CYFIP2: variants seen among roughly 807,000 people sequenced by gnomAD.
CYFIP2 encodes cytoplasmic FMR1 interacting protein 2.
Under a neutral mutation model 158.7 loss-of-function variants are expected in CYFIP2, and 29 were observed. That is an observed-to-expected ratio of 0.18 (90% CI 0.14 to 0.25). CYFIP2 has a LOEUF of 0.25. Ranked by LOEUF, CYFIP2 falls within the 10% of genes least tolerant of loss-of-function variation. The pLI is 1.00. For missense variants in CYFIP2, 852 were observed against 1,639.5 expected (o/e 0.52, Z 8.29); for synonymous variants, 585 against 617.6 (o/e 0.95, Z 0.78).
chr5:157,344,736 C>G (rs535582345), intron 23 of CYFIP2, among the ~76,000 whole-genome samples: 1 of 152,304 alleles, frequency 6.6e-6, no homozygotes, highest in African/African-American at 2.4e-5. Context: ...CACATGAAAC[C>G]CCGTAGGTTT....
intron 11 of CYFIP2, among the ~76,000 whole-genome samples, chr5:157,313,349 T>C (rs1759891915): frequency 6.6e-6 from 1 of 152,252 alleles, no homozygotes; most frequent in African/African-American, 2.4e-5. Flanking sequence ...GAACAAAGCT[T>C]ATCTAGAACA....
At chr5:157,325,265 A>G (rs2113137254) in intron 16 of CYFIP2, among the ~76,000 whole-genome samples, 1 of 152,228 alleles carries the variant, frequency 6.6e-6, no homozygotes, top group Admixed American at 6.5e-5. Context: ...CTCCCCCACC[A>G]GCCCACAACC....
At chr5:157,281,561 C>A (rs1336055754) in intron 1 of CYFIP2, among the ~76,000 whole-genome samples, 1 of 152,108 alleles carries the variant, frequency 6.6e-6, no homozygotes, top group Non-Finnish European at 1.5e-5. Flanking sequence ...TCTTTGTGAT[C>A]CATCAGGGCT....
intron 26 of CYFIP2, among the ~76,000 whole-genome samples, chr5:157,374,353 A>G (rs572684695): frequency 8.5e-5 from 13 of 152,206 alleles, no homozygotes; most frequent in Non-Finnish European, 1.3e-4. Flanking sequence ...CGTCTGCTAG[A>G]AAGTGATTAT....
At chr5:157,377,807 T>C (rs541018026) in intron 26 of CYFIP2, among the ~76,000 whole-genome samples, 47 of 152,182 alleles carry the variant, frequency 3.1e-4, no homozygotes, top group Admixed American at 5.9e-4. Context: ...GAGAAAAATA[T>C]AGAGAACGTG....
At chr5:157,354,768 G>A (rs1430316777) in intron 23 of CYFIP2, among the ~76,000 whole-genome samples, 1 of 152,036 alleles carries the variant, frequency 6.6e-6, no homozygotes, top group Non-Finnish European at 1.5e-5. Flanking sequence ...TGTGTAGGGG[G>A]CATTTTAAAA....
chr5:157,325,759 C>A, intron 17 of CYFIP2, 121 bp downstream of exon 17: 1 of 1,060,478 alleles, frequency 9.4e-7, no homozygotes, highest in Non-Finnish European at 1.3e-6. Flanking sequence ...GCCATATGTC[C>A]CACCACAGGG....
chr5:157,377,807 T>A, intron 26 of CYFIP2, among the ~76,000 whole-genome samples: 1 of 152,182 alleles, frequency 6.6e-6, no homozygotes, highest in East Asian at 1.9e-4. Flanking sequence ...GAGAAAAATA[T>A]AGAGAACGTG....
At chr5:157,391,240 T>A (rs1767253289) in intron 30 of CYFIP2, among the ~76,000 whole-genome samples, 1 of 152,098 alleles carries the variant, frequency 6.6e-6, no homozygotes, top group Non-Finnish European at 1.5e-5. Flanking sequence ...AGGGTGGGTC[T>A]CAGGGACCCA....
At position 157,361,644 on chromosome 5, in the gene CYFIP2, G is replaced by A; in HGVS notation, c.3039+46G>A. ...AAGTGGGGTGTCTCCAGGTTGGAGGGGATGCCAACCCCAAGCAGATATTGA... is the reference window on the plus strand; with the variant it reads ...AAGTGGGGTGTCTCCAGGTTGGAGGAGATGCCAACCCCAAGCAGATATTGA... On this transcript the variant is annotated intron_variant, in intron 26 of 30. Coordinates refer to ENST00000620254, the MANE Select transcript of CYFIP2 (RefSeq NM_001037333.3). This position sits in a 1 kb window ranked among gnomAD's most constrained non-coding sequence, Gnocchi z 4.4. 6.2e-7 allele frequency: 1 copy of A among 1,610,870 alleles called. No homozygotes were observed. Among genetic ancestry groups the A allele is most frequent in the Non-Finnish European group, 8.5e-7 (1 of 1,178,202 alleles).
intron 24 of CYFIP2, 74 bp downstream of exon 24, chr5:157,359,222 T>G: frequency 6.3e-7 from 1 of 1,574,916 alleles, no homozygotes. Flanking sequence ...CTTTTACTTT[T>G]TACCTGGCCT....
intron 19 of CYFIP2, 112 bp from the exon 20 acceptor site, chr5:157,330,630 T>C: frequency 1.3e-6 from 1 of 772,376 alleles, no homozygotes; most frequent in African/African-American, 1.7e-5. Context: ...ACTTAAGTTA[T>C]ATAAGATAGT....
intron 20 of CYFIP2, 80 bp from the exon 21 acceptor site, chr5:157,333,247 G>A: frequency 6.3e-7 from 1 of 1,584,828 alleles, no homozygotes; most frequent in Non-Finnish European, 8.6e-7. Context: ...GTCCCCCAAA[G>A]TGCTGGGATT....
intron 18 of CYFIP2, 101 bp downstream of exon 18, chr5:157,326,368 G>C: frequency 1.0e-6 from 1 of 974,524 alleles, no homozygotes; most frequent in South Asian, 1.4e-5. Flanking sequence ...TCAGTGACTT[G>C]TTCTGGAGAG....
At chr5:157,386,376 C>A (rs1400197070) in intron 28 of CYFIP2, among the ~76,000 whole-genome samples, 1 of 151,976 alleles carries the variant, frequency 6.6e-6, no homozygotes, top group Non-Finnish European at 1.5e-5. Flanking sequence ...CAACACCATA[C>A]CTGGATAATT....
chr5:157,303,855 G>A (rs1170141949), intron 7 of CYFIP2, among the ~76,000 whole-genome samples: 1 of 151,668 alleles, frequency 6.6e-6, no homozygotes, highest in African/African-American at 2.4e-5. Context: ...CCCTGGGTGG[G>A]GTTTTGCTGC....
intron 2 of CYFIP2, among the ~76,000 whole-genome samples, chr5:157,286,552 G>GTGTGTATATA (rs762316044): frequency 2.2e-5 from 3 of 138,124 alleles, no homozygotes; most frequent in African/African-American, 8.2e-5. Flanking sequence ...GCTATTTTAT[G>GTGTGTATATA]TATATATATA....
At chr5:157,352,761 G>A (rs1039393534) in intron 23 of CYFIP2, among the ~76,000 whole-genome samples, 1 of 152,180 alleles carries the variant, frequency 6.6e-6, no homozygotes, top group Non-Finnish European at 1.5e-5. Context: ...TTGGAAAGAG[G>A]TCTTTGGAGA....
intron 21 of CYFIP2, among the ~76,000 whole-genome samples, chr5:157,337,191 G>A (rs1010711247): frequency 2.6e-5 from 4 of 152,108 alleles, no homozygotes; most frequent in Admixed American, 2.6e-4. Context: ...ATTCCAGCTA[G>A]CCAGGCCCCC....
Sources: gnomAD v4.1 joint callset for allele counts (sites outside exome capture counted in the v4.1 genomes callset) on GRCh38, gnomAD v4.1.1 for gene constraint, Gnocchi (gnomAD v3.1) non-coding constraint, MANE v1.5 for transcripts, NCBI Gene and HGNC (gene_info 2026-07-23, HGNC 2026-07-21) for gene names.